Variants in STAB2 observed in about 807,000 individuals in gnomAD.
STAB2 encodes the protein stabilin-2.
In STAB2, 288 loss-of-function variants were observed where a neutral mutation model predicts 338.1. That is an observed-to-expected ratio of 0.85 (90% CI 0.77 to 0.94). The LOEUF (loss-of-function observed/expected upper bound fraction) is 0.94, where lower values mean the gene tolerates loss of function less well. Among genes scored for constraint, STAB2 ranks in the 40% least tolerant of loss-of-function variants. STAB2 has a pLI of 0.00. For missense variants in STAB2, 3,141 were observed against 3,210.1 expected, an observed-to-expected ratio of 0.98 and a Z score of 0.52; for synonymous variants, 1,202 against 1,193.3, an observed-to-expected ratio of 1.01 and a Z score of -0.15.
chr12:103,645,250 A>C (rs1873244524), intron 9 of STAB2, among the ~76,000 whole-genome samples: 1 of 152,262 alleles, frequency 6.6e-6, no homozygotes, highest in South Asian at 2.1e-4. Flanking sequence ...GATGTTGTGA[A>C]TGTTCCATGG....
chr12:103,656,242 A>G (rs1874168613), intron 15 of STAB2, among the ~76,000 whole-genome samples: 2 of 152,268 alleles, frequency 1.3e-5, no homozygotes, highest in South Asian at 2.1e-4. Context: ...GTGGAATTAC[A>G]TGAAAGGTCA....
At chr12:103,721,032 A>G (rs1393749458) in intron 44 of STAB2, among the ~76,000 whole-genome samples, 1 of 152,200 alleles carries the variant, frequency 6.6e-6, no homozygotes, top group African/African-American at 2.4e-5. Context: ...AAGCTAATGA[A>G]CCACAAAAGG....
At chr12:103,688,838 A>G (rs978405011) in intron 28 of STAB2, among the ~76,000 whole-genome samples, 12 of 152,200 alleles carry the variant, frequency 7.9e-5, no homozygotes, top group Non-Finnish European at 1.5e-4. Context: ...CCCCACAGGC[A>G]TGAGCTGGCC....
intron 24 of STAB2, among the ~76,000 whole-genome samples, chr12:103,676,758 T>G (rs1373471734): frequency 1.3e-5 from 2 of 152,228 alleles, no homozygotes; most frequent in Non-Finnish European, 2.9e-5. Context: ...GTAACTGGTT[T>G]CTTTGCTTCC....
chr12:103,753,158 T>A lies in STAB2; in HGVS notation c.6581-62T>A. On this transcript the variant is annotated intron_variant, in intron 60 of 68. Coordinates refer to ENST00000388887, the MANE Select transcript of STAB2 (RefSeq NM_017564.10). ...CATTTTGAAAGTCCTTCAGAGTCCA[T>A]TGTTGGAAACACTGCCAACCTGGTG... 3 of 1,596,884 alleles carry A rather than the reference T, an allele frequency of 1.9e-6. No individual in the cohort carries two copies. The South Asian group carries it at 3.4e-5, about 18-fold the overall frequency.
intron 22 of STAB2, among the ~76,000 whole-genome samples, chr12:103,672,176 G>A (rs1008954421): frequency 3.9e-5 from 6 of 152,234 alleles, no homozygotes; most frequent in African/African-American, 1.2e-4. Context: ...CAACCCTTCC[G>A]CTCTCCTACC....
chr12:103,672,986 G>T (rs1015290960), intron 22 of STAB2, among the ~76,000 whole-genome samples: 5 of 152,152 alleles, frequency 3.3e-5, no homozygotes, highest in Non-Finnish European at 7.3e-5. Context: ...CTGAAAAATG[G>T]GGGATATAAA....
At chr12:103,623,589 C>A (rs1264030440) in intron 5 of STAB2, among the ~76,000 whole-genome samples, 1 of 152,096 alleles carries the variant, frequency 6.6e-6, no homozygotes. Flanking sequence ...CCTCTCGAGG[C>A]TGGAAAAGGC....
At chr12:103,597,788 TTTA>T (rs1299841769) in intron 3 of STAB2, among the ~76,000 whole-genome samples, 1 of 152,202 alleles carries the variant, frequency 6.6e-6, no homozygotes, top group Non-Finnish European at 1.5e-5. Flanking sequence ...TACTTTTTTT[TTTA>T]TTCTGCCATG....
At chr12:103,759,713 G>C (rs913414266) in intron 65 of STAB2, among the ~76,000 whole-genome samples, 5 of 151,846 alleles carry the variant, frequency 3.3e-5, no homozygotes, top group African/African-American at 1.2e-4. Flanking sequence ...TGGTGATGAT[G>C]ATACAGGTCA....
rs754840444 is a variant in STAB2 at position 103,655,614 on chromosome 12, G to T, written c.1734+33G>T. 2.4e-5 allele frequency: 39 copies of T among 1,611,826 alleles called. 1 individual carries two copies. The Middle Eastern group carries it at 5.0e-4, about 20-fold the overall frequency. On this transcript the variant is annotated intron_variant, in intron 15 of 68. Transcript: ENST00000388887. The stretch of plus-strand genomic sequence containing the variant: ...ATTCTGCTTGCTCTGATGGCATCGT[G>T]TCAGCAGCACTGCCTCAGTCTGTGT...
chr12:103,734,961 G>A (rs549394588), intron 51 of STAB2, among the ~76,000 whole-genome samples: 5 of 152,134 alleles, frequency 3.3e-5, no homozygotes, highest in East Asian at 1.9e-4. Flanking sequence ...GTGCCTTCAC[G>A]TAGCATTTGC....
In STAB2 at chr12:103,685,009, G is replaced by A. The variant is rs150100761; in HGVS notation, c.2922G>A (p.Ser974=). The change falls in exon 27 of 69, where the codon TCG becomes TCA. Residue 974 remains serine, a synonymous_variant. Coordinates refer to ENST00000388887, the MANE Select transcript of STAB2 (RefSeq NM_017564.10). ...CTCAGGCAAGCTGTCAATCTACTTC[G>A]TCTGGTGTCTGGAGCTGTGTTTGTC... The part of the protein sequence containing the change: ...CHPLASCQST[S]SGVWSCVCQE... The A allele has an allele frequency of 5.0e-5, 81 of 1,613,692 alleles. No homozygotes were observed. The African/African-American group carries it at 5.6e-4, about 11-fold the overall frequency.
In STAB2 at chr12:103,613,557, G is replaced by T. The variant is rs185350034; in HGVS notation, c.332-6911G>T. Reference sequence around the variant, plus strand: ...GGAAAAGCGCAGTATCAGGGTGGGGGTGACCCGATTTTCAAGGTTCCATCT... The same window carrying T: ...GGAAAAGCGCAGTATCAGGGTGGGGTTGACCCGATTTTCAAGGTTCCATCT... On this transcript the variant is annotated intron_variant, in intron 3 of 68. Transcript: ENST00000388887. 3.8e-3 allele frequency among the ~76,000 whole-genome samples: 577 copies of T among 152,294 alleles called. 6 individuals carry two copies. Among genetic ancestry groups the T allele is most frequent in the African/African-American group, 0.013 (558 of 41,564 alleles).
At position 103,667,406 on chromosome 12, in the gene STAB2, T is replaced by A. The variant is rs527945298; in HGVS notation, c.2085+1053T>A. Among the ~76,000 whole-genome samples, 33 of 152,264 alleles carry A rather than the reference T, an allele frequency of 2.2e-4. 2 individuals carry two copies. Among genetic ancestry groups the A allele is most frequent in the Admixed American group, 8.5e-4 (13 of 15,292 alleles). On this transcript the variant is annotated intron_variant, in intron 19 of 68. Transcript: ENST00000388887. ...GTGGGTATATTATCACCATAACCAATGTATGATTAGGGCACTAAGGCAAGG... is the reference window on the plus strand; with the variant it reads ...GTGGGTATATTATCACCATAACCAAAGTATGATTAGGGCACTAAGGCAAGG...
chr12:103,616,228 G>A (rs565455444), intron 3 of STAB2, among the ~76,000 whole-genome samples: 1 of 152,294 alleles, frequency 6.6e-6, no homozygotes, highest in African/African-American at 2.4e-5. Flanking sequence ...CCCAGAGCAT[G>A]GTTATATTCT....
chr12:103,596,077 T>G (rs1184914089), intron 3 of STAB2, among the ~76,000 whole-genome samples: 1 of 152,242 alleles, frequency 6.6e-6, no homozygotes, highest in African/African-American at 2.4e-5. Context: ...GAATCAGGTG[T>G]CTTTTAAAGC....
At chr12:103,706,685 C>T (rs540601105) in intron 37 of STAB2, 107 bp from the exon 38 acceptor site, 7 of 1,461,242 alleles carry the variant, frequency 4.8e-6, no homozygotes, top group East Asian at 4.7e-5. Flanking sequence ...CATGTGAGGT[C>T]GAAGAAACAG....
At chr12:103,589,949 T>C (rs1369127047) in intron 1 of STAB2, among the ~76,000 whole-genome samples, 1 of 152,216 alleles carries the variant, frequency 6.6e-6, no homozygotes, top group East Asian at 1.9e-4. Context: ...AAGCAATTCA[T>C]TCAAGATTGT....
Sources: gnomAD v4.1 joint callset for allele counts (sites outside exome capture counted in the v4.1 genomes callset) on GRCh38, gnomAD v4.1.1 for gene constraint, MANE v1.5 for transcripts, NCBI Gene and HGNC (gene_info 2026-07-23, HGNC 2026-07-21) for gene names.